SLCO6A1: variants seen among roughly 807,000 people sequenced by gnomAD.
The protein encoded by SLCO6A1 is solute carrier organic anion transporter family member 6A1.
Under a neutral mutation model 72.7 loss-of-function variants are expected in SLCO6A1, and 65 were observed. The ratio of observed to expected loss-of-function variants is 0.89; its 90% CI spans 0.73 to 1.10. The LOEUF is 1.10. Among genes scored for constraint, SLCO6A1 ranks in the 50% least tolerant of loss-of-function variants. The pLI is 0.00. For synonymous variants in SLCO6A1, 314 were observed against 298.2 expected (o/e 1.05, Z -0.55); for missense variants, 874 against 872.6 (o/e 1.00, Z -0.02).
chr5:102,438,213 C>G (rs537554137), intron 7 of SLCO6A1, among the ~76,000 whole-genome samples: 9 of 151,594 alleles, frequency 5.9e-5, no homozygotes, highest in Admixed American at 5.9e-4. Flanking sequence ...AGATATAGAT[C>G]AACACAAATC....
intron 2 of SLCO6A1, among the ~76,000 whole-genome samples, chr5:102,478,306 C>T (rs1752017785): frequency 6.6e-6 from 1 of 152,168 alleles, no homozygotes; most frequent in Non-Finnish European, 1.5e-5. Context: ...AGACATAGCA[C>T]ATATTCCTCT....
intron 7 of SLCO6A1, among the ~76,000 whole-genome samples, 161 bp from the exon 8 acceptor site, chr5:102,420,182 G>A (rs1368221873): frequency 1.3e-5 from 2 of 152,114 alleles, no homozygotes; most frequent in African/African-American, 2.4e-5. Context: ...TGACGAACCC[G>A]AACCTTAATA....
chr5:102,494,225 C>G (rs912586320), intron 1 of SLCO6A1, among the ~76,000 whole-genome samples: 7 of 151,880 alleles, frequency 4.6e-5, no homozygotes, highest in African/African-American at 1.7e-4. Flanking sequence ...AGCATTTTTT[C>G]TATATGAAAA....
intron 6 of SLCO6A1, among the ~76,000 whole-genome samples, chr5:102,448,888 T>C (rs13353915): frequency 0.47 from 71,770 of 151,984 alleles, 18,679 homozygotes; most frequent in Non-Finnish European, 0.57. Flanking sequence ...AATATTCATA[T>C]GTGTGGATTT....
At chr5:102,448,342 AT>A (rs1329620384) in intron 6 of SLCO6A1, among the ~76,000 whole-genome samples, 2 of 152,140 alleles carry the variant, frequency 1.3e-5, no homozygotes, top group African/African-American at 2.4e-5. Flanking sequence ...AAGAATGTAT[AT>A]TTTGTTTTGG....
At chr5:102,392,793 C>A (rs1045935932) in intron 10 of SLCO6A1, among the ~76,000 whole-genome samples, 1 of 151,870 alleles carries the variant, frequency 6.6e-6, no homozygotes, top group Non-Finnish European at 1.5e-5. Context: ...ACTCTCCCAA[C>A]ATGTAAAAGG....
intron 9 of SLCO6A1, among the ~76,000 whole-genome samples, chr5:102,405,433 A>C (rs1312535341): frequency 6.6e-6 from 1 of 152,070 alleles, no homozygotes; most frequent in Non-Finnish European, 1.5e-5. Flanking sequence ...AGCTAGATAA[A>C]ACAATATATA....
At chr5:102,421,256 ACC>A (rs1412258229) in intron 7 of SLCO6A1, among the ~76,000 whole-genome samples, 1 of 151,948 alleles carries the variant, frequency 6.6e-6, no homozygotes, top group African/African-American at 2.4e-5. Flanking sequence ...GGCACCTGGA[ACC>A]CCAGTGAGAC....
At chr5:102,477,281 C>T (rs1314363628) in intron 3 of SLCO6A1, among the ~76,000 whole-genome samples, 1 of 151,962 alleles carries the variant, frequency 6.6e-6, no homozygotes, top group African/African-American at 2.4e-5. Context: ...GCCACCATGC[C>T]CAGCTAATTT....
Position 102,477,792 on chromosome 5 carries a change from A to C in SLCO6A1, c.686T>G (p.Leu229Arg), listed in dbSNP as rs1751984241. The C allele has an allele frequency of 6.2e-7, 1 of 1,613,606 alleles. No individual in the cohort carries two copies. Among genetic ancestry groups the C allele is most frequent in the Non-Finnish European group, 8.5e-7 (1 of 1,179,724 alleles). Residue 229 changes from leucine (L) to arginine (R), a missense_variant, in exon 3 of 14, where the codon CTG becomes CGG. Coordinates refer to ENST00000506729, the MANE Select transcript of SLCO6A1 (RefSeq NM_173488.5). ...SSGISFQSKY[L>R]SFFILGQTVQ... Reference sequence around the variant, plus strand: ...AGTCTGCCCAAGGATGAAGAAAGACAGGTATTTTGATTGGAATGATATACC... The same window carrying C: ...AGTCTGCCCAAGGATGAAGAAAGACCGGTATTTTGATTGGAATGATATACC...
In SLCO6A1 at chr5:102,467,433, G is replaced by T. The variant is rs191190144; in HGVS notation, c.900-7656C>A. 2.7e-3 allele frequency among the ~76,000 whole-genome samples: 407 copies of T among 151,982 alleles called. 2 individuals are homozygous for T. The highest frequency in any genetic ancestry group is 9.4e-3 in the African/African-American group (389 of 41,466). On this transcript the variant is annotated intron_variant, in intron 4 of 13. Coordinates refer to ENST00000506729, the MANE Select transcript of SLCO6A1 (RefSeq NM_173488.5). ...TTTAAAAAAAAAAATAACAAAACTGGTGGCAGGCAAGAGATCTTGTGCAGG... is the reference window on the plus strand; with the variant it reads ...TTTAAAAAAAAAAATAACAAAACTGTTGGCAGGCAAGAGATCTTGTGCAGG...
At chr5:102,458,541 C>T (rs1750862810) in intron 5 of SLCO6A1, 50 bp from the exon 6 acceptor site, 1 of 1,331,026 alleles carries the variant, frequency 7.5e-7, no homozygotes, top group East Asian at 2.3e-5. Flanking sequence ...ATAACTAAAA[C>T]CCATACATAA....
chr5:102,460,069 CT>C (rs34866526), intron 4 of SLCO6A1, among the ~76,000 whole-genome samples: 5 of 151,670 alleles, frequency 3.3e-5, no homozygotes, highest in East Asian at 1.9e-4. Context: ...TCCTATTTAA[CT>C]TTTTTTTATC....
At chr5:102,399,296 G>A (rs939124430) in intron 10 of SLCO6A1, among the ~76,000 whole-genome samples, 6 of 151,564 alleles carry the variant, frequency 4.0e-5, no homozygotes, top group Admixed American at 3.9e-4. Context: ...TATTTATAAT[G>A]TTTCTATGTG....
At chr5:102,390,634 T>C (rs759889866) in intron 11 of SLCO6A1, among the ~76,000 whole-genome samples, 6 of 152,168 alleles carry the variant, frequency 3.9e-5, no homozygotes, top group Non-Finnish European at 7.4e-5. Flanking sequence ...AATGTTAGTC[T>C]AGGTTAGTAA....
rs78651355 is a variant in SLCO6A1, at chr5:102,420,671, C to T, written c.1277-650G>A. Reference sequence around the variant, plus strand: ...GTAAATTCATACATTGATGCAACTCCCTGTAATCCAAATATATAATACTGT... The same window carrying T: ...GTAAATTCATACATTGATGCAACTCTCTGTAATCCAAATATATAATACTGT... On this transcript the variant is annotated intron_variant, in intron 7 of 13. Coordinates refer to ENST00000506729, the MANE Select transcript of SLCO6A1 (RefSeq NM_173488.5). 8.2e-3 allele frequency among the ~76,000 whole-genome samples: 1,240 copies of T among 151,830 alleles called. 12 individuals are homozygous for T. Among genetic ancestry groups the T allele is most frequent in the Non-Finnish European group, 0.015 (1,011 of 67,942 alleles).
intron 2 of SLCO6A1, among the ~76,000 whole-genome samples, chr5:102,479,512 C>T (rs542964367): frequency 5.3e-4 from 80 of 152,160 alleles, no homozygotes; most frequent in African/African-American, 1.7e-3. Flanking sequence ...CCTATCTTTC[C>T]GCTCACTCTT....
intron 7 of SLCO6A1, among the ~76,000 whole-genome samples, chr5:102,435,733 G>T (rs1580422906): frequency 6.6e-6 from 1 of 152,056 alleles, no homozygotes; most frequent in East Asian, 1.9e-4. Flanking sequence ...AAATTAGCTG[G>T]GCGTGGTGGT....
At chr5:102,466,222 T>C (rs1443250692) in intron 4 of SLCO6A1, among the ~76,000 whole-genome samples, 2 of 152,046 alleles carry the variant, frequency 1.3e-5, no homozygotes, top group East Asian at 1.9e-4. Flanking sequence ...TTCCTATCTA[T>C]GTATCTATGT....
Sources: gnomAD v4.1 joint callset for allele counts (sites outside exome capture counted in the v4.1 genomes callset) on GRCh38, gnomAD v4.1.1 for gene constraint, MANE v1.5 for transcripts, NCBI Gene and HGNC (gene_info 2026-07-23, HGNC 2026-07-21) for gene names.